CHMP7: variants seen among roughly 807,000 people sequenced by gnomAD.
The protein encoded by CHMP7 is charged multivesicular body protein 7.
In CHMP7, 15 loss-of-function variants were observed where a neutral mutation model predicts 53.7. The ratio of observed to expected loss-of-function variants is 0.28; its 90% CI spans 0.19 to 0.43. The LOEUF (loss-of-function observed/expected upper bound fraction) is 0.43, where lower values mean the gene tolerates loss of function less well. Ranked by LOEUF, CHMP7 falls within the 20% of genes least tolerant of loss-of-function variation. CHMP7 has a pLI of 1.00. For missense variants in CHMP7, 527 were observed against 569.4 expected, an observed-to-expected ratio of 0.93 and a Z score of 0.76; for synonymous variants, 261 against 228.0, an observed-to-expected ratio of 1.14 and a Z score of -1.30.
rs866030507 is a variant in CHMP7, at chr8:23,246,667, T to G, written c.-29T>G. The G allele has an allele frequency of 6.5e-7, 1 of 1,538,606 alleles. No individual in the cohort carries two copies. Among genetic ancestry groups the G allele is most frequent in the Non-Finnish European group, 8.8e-7 (1 of 1,140,388 alleles). On this transcript the variant is annotated 5_prime_UTR_variant, in exon 2 of 11. Coordinates refer to ENST00000397677, the MANE Select transcript of CHMP7 (RefSeq NM_152272.5). ...GAAGCGGACCAGGGCCAGGCTTGTGTTCGCAGCCTTGCCGGGGCTGGGGTT... is the reference window on the plus strand; with the variant it reads ...GAAGCGGACCAGGGCCAGGCTTGTGGTCGCAGCCTTGCCGGGGCTGGGGTT...
At chr8:23,256,712 T>A in intron 5 of CHMP7, 119 bp downstream of exon 5, 1 of 665,938 alleles carries the variant, frequency 1.5e-6, no homozygotes, top group Non-Finnish European at 2.4e-6. Context: ...TTTAGCTAAT[T>A]ACAAAAGTAC....
intron 6 of CHMP7, 64 bp downstream of exon 6, chr8:23,258,145 A>C (rs1802212304): frequency 2.0e-6 from 3 of 1,481,570 alleles, no homozygotes; most frequent in Non-Finnish European, 2.8e-6. Context: ...AATGCCCAGC[A>C]GTTCAGAGAG....
intron 4 of CHMP7, 63 bp downstream of exon 4, chr8:23,255,495 G>A: frequency 6.6e-7 from 1 of 1,509,564 alleles, no homozygotes; most frequent in South Asian, 1.1e-5. Context: ...ATAGAGTAGT[G>A]AGCCCTTATC....
rs201195952 is a variant in CHMP7 at position 23,260,254 on chromosome 8, G to A, written c.1231G>A (p.Val411Met). ...NPRNRHFTNS[V>M]PNPRISDAEL... The stretch of plus-strand genomic sequence containing the variant: ...CCGCAATAGGCATTTTACCAACAGC[G>A]TGCCTAACCCTAGGATCTCAGATGC... The change falls in exon 10 of 11, where the codon GTG becomes ATG. Residue 411 changes from valine (V) to methionine (M), a missense_variant. Physicochemically the swap from Val to Met is conservative, Grantham distance 21. Coordinates refer to ENST00000397677, the MANE Select transcript of CHMP7 (RefSeq NM_152272.5). The A allele has an allele frequency of 1.1e-4, 171 of 1,614,178 alleles. No homozygotes were observed. The East Asian group carries it at 2.7e-3, about 25-fold the overall frequency.
At chr8:23,258,300 C>G in intron 6 of CHMP7, 30 bp from the exon 7 acceptor site, 1 of 1,614,008 alleles carries the variant, frequency 6.2e-7, no homozygotes, top group Non-Finnish European at 8.5e-7. Flanking sequence ...TCGCCCAGTT[C>G]AGCACTGACC....
Position 23,260,974 on chromosome 8 carries a change from T to G in CHMP7, c.*375T>G. 1 of 273,066 alleles carries G rather than the reference T, an allele frequency of 3.7e-6. No individual in the cohort carries two copies. 16.9% of individuals were successfully genotyped at this position (273,066 alleles called of 1,614,324 possible). The stretch of plus-strand genomic sequence containing the variant: ...TGCAGCTTTGCCAAATCTGAATCAG[T>G]TCCCACTCCCCCCTGCGGTTTTTTA... On this transcript the variant is annotated 3_prime_UTR_variant, in exon 11 of 11. Transcript: ENST00000397677.
intron 3 of CHMP7, among the ~76,000 whole-genome samples, chr8:23,251,537 G>A (rs935138485): frequency 6.6e-6 from 1 of 152,152 alleles, no homozygotes. Flanking sequence ...TGGGACCCTG[G>A]GAGCAGTGCC....
intron 2 of CHMP7, chr8:23,247,918 GT>G (rs58644300): frequency 0.12 from 36,283 of 312,268 alleles, no homozygotes; most frequent in South Asian, 0.19. Flanking sequence ...TGTTTGGTTG[GT>G]TTTTTTTTTT....
At chr8:23,253,864 C>T (rs1481043297) in intron 3 of CHMP7, among the ~76,000 whole-genome samples, 2 of 152,166 alleles carry the variant, frequency 1.3e-5, no homozygotes, top group Non-Finnish European at 2.9e-5. Flanking sequence ...AAATGGTCTC[C>T]TTGCCTCTAA....
chr8:23,253,479 G>C (rs1326920141), intron 3 of CHMP7, among the ~76,000 whole-genome samples: 1 of 152,106 alleles, frequency 6.6e-6, no homozygotes, highest in Non-Finnish European at 1.5e-5. Flanking sequence ...TGGAGATGGG[G>C]TTTCACCCTG....
chr8:23,256,280 A>G (rs1024503929), intron 4 of CHMP7, among the ~76,000 whole-genome samples, 180 bp from the exon 5 acceptor site: 3 of 152,196 alleles, frequency 2.0e-5, no homozygotes, highest in African/African-American at 2.4e-5. Flanking sequence ...ACATAGCTAT[A>G]TGTATAGGGT....
At chr8:23,243,926 T>G (rs1255600849) in intron 1 of CHMP7, 82 bp downstream of exon 1, 1 of 152,246 alleles carries the variant, frequency 6.6e-6, no homozygotes, top group Non-Finnish European at 1.5e-5. Context: ...TATACTTATT[T>G]GCCGTTGGTA....
rs1399289988 is a variant in CHMP7, at chr8:23,246,635, G to A, written c.-61G>A. The A allele has an allele frequency of 7.7e-6, 11 of 1,419,370 alleles. No individual in the cohort carries two copies. Among genetic ancestry groups the A allele is most frequent in the Non-Finnish European group, 1.0e-5 (11 of 1,050,658 alleles). 87.9% of individuals were successfully genotyped at this position (1,419,370 alleles called of 1,614,324 possible). ...CAAGGAACGGAAGCCGGGAGGGAACGAGGGCGGAAGCGGACCAGGGCCAGG... is the reference window on the plus strand; with the variant it reads ...CAAGGAACGGAAGCCGGGAGGGAACAAGGGCGGAAGCGGACCAGGGCCAGG... On this transcript the variant is annotated 5_prime_UTR_variant, in exon 2 of 11. Coordinates refer to ENST00000397677, the MANE Select transcript of CHMP7 (RefSeq NM_152272.5).
At chr8:23,258,682 A>G (rs1467792026) in intron 7 of CHMP7, 50 bp from the exon 8 acceptor site, 1 of 1,388,540 alleles carries the variant, frequency 7.2e-7, no homozygotes, top group East Asian at 2.3e-5. Flanking sequence ...TATTGTATGT[A>G]TTTTGCCAAA....
intron 2 of CHMP7, 130 bp from the exon 3 acceptor site, chr8:23,249,080 G>T: frequency 1.4e-6 from 1 of 694,504 alleles, no homozygotes; most frequent in Non-Finnish European, 2.3e-6. Context: ...CGTTGGCACA[G>T]CGTAGGTGCT....
At chr8:23,245,819 GTC>G (rs1282916331) in intron 1 of CHMP7, among the ~76,000 whole-genome samples, 7 of 152,200 alleles carry the variant, frequency 4.6e-5, no homozygotes, top group African/African-American at 1.7e-4. Context: ...TATTCAAGTG[GTC>G]TGTTTCCTCT....
rs111683156 is a variant in CHMP7 at position 23,246,272 on chromosome 8, C to T, written c.-424C>T. ...TCTATACAGAGATTCACGGATCCAT[C>T]CGGGTGGTCCGGGCACCACTGGCGC... On this transcript the variant is annotated 5_prime_UTR_variant, in exon 2 of 11. Transcript: ENST00000397677. 63 of 183,330 alleles carry T rather than the reference C, an allele frequency of 3.4e-4. No individual in the cohort carries two copies. Among genetic ancestry groups the T allele is most frequent in the African/African-American group, 1.4e-3 (61 of 42,154 alleles). The allele number at this position is 183,330 out of a possible 1,614,324, so 11.4% of individuals were successfully genotyped here.
chr8:23,255,374 T>A lies in CHMP7; in HGVS notation c.599T>A (p.Val200Glu). ...CCAGATGAGAGGACCTTCTACTTGG[T>A]GTTGCTGCAGCTGCAGAAGGAGAAG... ...SCPDERTFYL[V>E]LLQLQKEKRV... Residue 200 changes from valine to glutamate, a missense_variant, in exon 4 of 11, where the codon GTG becomes GAG. Coordinates refer to ENST00000397677, the MANE Select transcript of CHMP7 (RefSeq NM_152272.5). 1.2e-6 allele frequency: 2 copies of A among 1,614,154 alleles called. No homozygotes were observed. The highest frequency in any genetic ancestry group is 1.7e-6 in the Non-Finnish European group (2 of 1,180,018).
intron 1 of CHMP7, among the ~76,000 whole-genome samples, chr8:23,244,569 G>A (rs1801622778): frequency 6.6e-6 from 1 of 152,092 alleles, no homozygotes; most frequent in African/African-American, 2.4e-5. Flanking sequence ...CTTGAAGTTG[G>A]GTTGTATCCG....
Sources: allele counts gnomAD v4.1 joint callset (sites outside exome capture counted in the v4.1 genomes callset), GRCh38; gene constraint gnomAD v4.1.1; transcripts MANE v1.5; gene names NCBI Gene and HGNC (gene_info 2026-07-23, HGNC 2026-07-21).